KLHL7: variants seen among roughly 807,000 people sequenced by gnomAD.
The protein encoded by KLHL7 is kelch-like protein 7.
KLHL7 carries 44 observed loss-of-function variants against 67.4 expected under a neutral mutation model. The observed-to-expected ratio is 0.65, with a 90% confidence interval of 0.51 to 0.84. KLHL7 has a LOEUF of 0.84. Among genes scored for constraint, KLHL7 ranks in the 40% least tolerant of loss-of-function variants. KLHL7 has a pLI of 0.00. For missense variants in KLHL7, 362 were observed against 718.1 expected, an observed-to-expected ratio of 0.50 and a Z score of 5.67; for synonymous variants, 252 against 243.3, an observed-to-expected ratio of 1.04 and a Z score of -0.33.
chr7:23,108,307 G>A (rs990219736), intron 1 of KLHL7, among the ~76,000 whole-genome samples: 4 of 152,124 alleles, frequency 2.6e-5, no homozygotes, highest in African/African-American at 9.7e-5. Flanking sequence ...TATAGTGGCC[G>A]ATTCTATACA....
intron 1 of KLHL7, chr7:23,117,734 T>G: frequency 9.0e-7 from 1 of 1,108,338 alleles, no homozygotes; most frequent in Non-Finnish European, 1.3e-6. Context: ...TTTCTTAGCC[T>G]TTGCATTTAT....
chr7:23,109,608 A>G (rs1782781484), intron 1 of KLHL7, among the ~76,000 whole-genome samples: 1 of 152,206 alleles, frequency 6.6e-6, no homozygotes, highest in Non-Finnish European at 1.5e-5. Context: ...TGGGCAGTTA[A>G]CTGGGCTCAC....
intron 9 of KLHL7, 196 bp from the exon 10 acceptor site, chr7:23,172,752 G>C (rs1369258072): frequency 5.7e-6 from 3 of 522,074 alleles, no homozygotes; most frequent in Non-Finnish European, 1.0e-5. Context: ...TAAAATCCAT[G>C]TTTTCCCCGT....
At chr7:23,117,728 T>G in intron 1 of KLHL7, 7 of 1,063,850 alleles carry the variant, frequency 6.6e-6, no homozygotes, top group Non-Finnish European at 7.9e-6. Flanking sequence ...TTAATGTTTC[T>G]TAGCCTTTGC....
In KLHL7 at chr7:23,109,146, G is replaced by A. The variant is rs540424621; in HGVS notation, c.120+3000G>A. On this transcript the variant is annotated intron_variant, in intron 1 of 10. Coordinates refer to ENST00000339077, the MANE Select transcript of KLHL7 (RefSeq NM_001031710.3). ...TTCCAAAGTGATTGTACCATGTTAC[G>A]CTTCTGCCAGTTGTGTGTGAGAGAG... Among the ~76,000 whole-genome samples the A allele has an allele frequency of 5.9e-5, 9 of 152,140 alleles. No homozygotes were observed. In the South Asian group the frequency reaches 8.3e-4, roughly 14 times the overall value.
At chr7:23,127,797 C>G (rs972970343) in intron 4 of KLHL7, among the ~76,000 whole-genome samples, 1 of 151,924 alleles carries the variant, frequency 6.6e-6, no homozygotes. Flanking sequence ...TCGTTTGAAC[C>G]GGGAGGCGGA....
At chr7:23,124,876 A>G in intron 3 of KLHL7, 95 bp downstream of exon 3, 1 of 1,145,760 alleles carries the variant, frequency 8.7e-7, no homozygotes, top group Non-Finnish European at 1.3e-6. Flanking sequence ...CAAATTCTTC[A>G]AAATGAAAAA....
At chr7:23,134,781 C>T (rs1056275074) in intron 4 of KLHL7, among the ~76,000 whole-genome samples, 5 of 152,110 alleles carry the variant, frequency 3.3e-5, no homozygotes, top group African/African-American at 1.2e-4. Context: ...CTTTGAATTT[C>T]TGCACTATCA....
intron 4 of KLHL7, among the ~76,000 whole-genome samples, chr7:23,135,652 A>G (rs1468655602): frequency 1.3e-5 from 2 of 152,240 alleles, no homozygotes. Flanking sequence ...AGAATAAAAC[A>G]AAATTTCATA....
chr7:23,167,797 C>T, intron 8 of KLHL7, 39 bp from the exon 9 acceptor site: 1 of 1,583,566 alleles, frequency 6.3e-7, no homozygotes, highest in Non-Finnish European at 8.7e-7. Context: ...CCCCCGCACA[C>T]ACTAAAGTTA....
chr7:23,139,262 G>A (rs577915883), intron 4 of KLHL7, among the ~76,000 whole-genome samples: 3 of 152,092 alleles, frequency 2.0e-5, no homozygotes, highest in African/African-American at 7.2e-5. Flanking sequence ...ATAATGCTTT[G>A]TGACCAGCTA....
At chr7:23,137,564 C>T (rs1461062201) in intron 4 of KLHL7, among the ~76,000 whole-genome samples, 1 of 149,982 alleles carries the variant, frequency 6.7e-6, no homozygotes, top group African/African-American at 2.4e-5. Context: ...CTGCAACCTC[C>T]GCCTCCCAGG....
At chr7:23,132,072 G>T (rs1410081917) in intron 4 of KLHL7, among the ~76,000 whole-genome samples, 1 of 152,052 alleles carries the variant, frequency 6.6e-6, no homozygotes, top group Non-Finnish European at 1.5e-5. Context: ...CACTTACGTT[G>T]CTTCCAAATC....
intron 1 of KLHL7, among the ~76,000 whole-genome samples, chr7:23,118,193 G>C (rs1489831518): frequency 2.0e-5 from 3 of 152,194 alleles, no homozygotes. Context: ...CTGCTTCTGA[G>C]GTGAGCCTTT....
At chr7:23,109,597 C>G (rs1001157244) in intron 1 of KLHL7, among the ~76,000 whole-genome samples, 1 of 152,218 alleles carries the variant, frequency 6.6e-6, no homozygotes, top group African/African-American at 2.4e-5. Flanking sequence ...CAATTAGATA[C>G]TGGGCAGTTA....
rs763804615 is a variant in KLHL7, at chr7:23,123,781, CGTT to C, written c.128_130del (p.Leu43del). ...ATGTATTTTTCCTTTGATTAGAAAA[CGTT>C]GTGTGACGTGATCCTCATGGTCCAG... On this transcript the variant is annotated inframe_deletion, in exon 2 of 11. Coordinates refer to ENST00000339077, the MANE Select transcript of KLHL7 (RefSeq NM_001031710.3). 1 of 1,609,910 alleles carries C rather than the reference CGTT, an allele frequency of 6.2e-7. No homozygotes were observed. Among genetic ancestry groups the C allele is most frequent in the Non-Finnish European group, 8.5e-7 (1 of 1,176,512 alleles).
chr7:23,116,428 TGG>T (rs1416381580), intron 1 of KLHL7, among the ~76,000 whole-genome samples: 1 of 152,250 alleles, frequency 6.6e-6, no homozygotes, highest in African/African-American at 2.4e-5. Context: ...TGTGTCAAAA[TGG>T]GCTATGTCTC....
intron 1 of KLHL7, among the ~76,000 whole-genome samples, chr7:23,122,958 T>C (rs1458425189): frequency 1.3e-5 from 2 of 152,214 alleles, no homozygotes; most frequent in African/African-American, 4.8e-5. Context: ...ATATTTTGTC[T>C]TTAACTTCGT....
intron 7 of KLHL7, among the ~76,000 whole-genome samples, chr7:23,160,600 G>A (rs183644687): frequency 1.3e-5 from 2 of 152,212 alleles, no homozygotes; most frequent in East Asian, 3.9e-4. Flanking sequence ...TGCTAATTAA[G>A]CCTGATTTTA....
Sources: gnomAD v4.1 joint callset for allele counts (sites outside exome capture counted in the v4.1 genomes callset) on GRCh38, gnomAD v4.1.1 for gene constraint, MANE v1.5 for transcripts, NCBI Gene and HGNC (gene_info 2026-07-23, HGNC 2026-07-21) for gene names.